RANBP3L: variants seen among roughly 807,000 people sequenced by gnomAD.
RANBP3L encodes RAN binding protein 3 like.
A neutral mutation model predicts 67.2 loss-of-function variants in RANBP3L; 56 were observed. The observed-to-expected ratio is 0.83, with a 90% CI of 0.67 to 1.04. The LOEUF (loss-of-function observed/expected upper bound fraction) is 1.04. RANBP3L is among the 50% of genes least tolerant of loss of function. The pLI is 0.00. For missense variants in RANBP3L, 496 were observed against 535.5 expected, an observed-to-expected ratio of 0.93 and a Z score of 0.73; for synonymous variants, 164 against 181.4, an observed-to-expected ratio of 0.90 and a Z score of 0.77.
At position 36,301,478 on chromosome 5, in the gene RANBP3L, C is replaced by T. The variant is rs1030601882; in HGVS notation, c.-62G>A. ...GGGCACCTCCTTCTCTGGCCAGTCA[C>T]CTAAAGTGGCCTTCACCAGACACCC... On this transcript the variant is annotated 5_prime_UTR_variant, in exon 1 of 14. The change creates a new upstream start codon in the 5' untranslated region. Transcript: ENST00000296604. 7.9e-7 allele frequency: 1 copy of T among 1,261,002 alleles called. No homozygotes were observed. Among genetic ancestry groups the T allele is most frequent in the Admixed American group, 1.7e-5 (1 of 59,102 alleles). 78.1% of individuals were successfully genotyped at this position (1,261,002 alleles called of 1,614,324 possible).
intron 4 of RANBP3L, among the ~76,000 whole-genome samples, chr5:36,267,843 G>A (rs1031606980): frequency 3.3e-5 from 5 of 152,120 alleles, no homozygotes; most frequent in African/African-American, 1.2e-4. Flanking sequence ...AAGCATAATT[G>A]CATGTTTTAA....
chr5:36,299,905 T>C (rs1237917804), intron 1 of RANBP3L, among the ~76,000 whole-genome samples: 1 of 152,184 alleles, frequency 6.6e-6, no homozygotes, highest in Non-Finnish European at 1.5e-5. Flanking sequence ...CAAGTCTATA[T>C]TGTTTAAAAA....
intron 1 of RANBP3L, among the ~76,000 whole-genome samples, chr5:36,290,726 C>CTTTTTTTTT (rs61105686): frequency 1.8e-5 from 1 of 55,444 alleles, no homozygotes; most frequent in Non-Finnish European, 3.1e-5. Flanking sequence ...ACAACCATGG[C>CTTTTTTTTT]TTTTTTTTTT....
chr5:36,254,433 A>G (rs1748821606), intron 11 of RANBP3L, among the ~76,000 whole-genome samples: 1 of 152,060 alleles, frequency 6.6e-6, no homozygotes, highest in South Asian at 2.1e-4. Flanking sequence ...TTTACAATGA[A>G]TGTGTATTAC....
chr5:36,285,395 G>T (rs889533986), intron 1 of RANBP3L, among the ~76,000 whole-genome samples: 2 of 152,206 alleles, frequency 1.3e-5, no homozygotes, highest in East Asian at 3.9e-4. Context: ...TATCAATAAG[G>T]GTTCAAATGT....
Position 36,292,375 on chromosome 5 carries a change from C to T in RANBP3L, c.91+8951G>A, listed in dbSNP as rs570107184. Among the ~76,000 whole-genome samples, 1,264 of 151,856 alleles carry T rather than the reference C, an allele frequency of 8.3e-3. 10 individuals are homozygous for T. The highest frequency in any genetic ancestry group is 0.012 in the Non-Finnish European group (827 of 67,844). ...TGCCTGTTCACTCTGATGGTAGTTT[C>T]TTTTGCTGTGCAGAAGCTCTTGAGT... On this transcript the variant is annotated intron_variant, in intron 1 of 13. Coordinates refer to ENST00000296604, the MANE Select transcript of RANBP3L (RefSeq NM_145000.5).
chr5:36,277,462 G>A (rs1189803152), intron 1 of RANBP3L, among the ~76,000 whole-genome samples: 27 of 149,816 alleles, frequency 1.8e-4, no homozygotes, highest in East Asian at 7.8e-4. Flanking sequence ...GTGTGTGTGT[G>A]TGTGTGTGTG....
intron 1 of RANBP3L, among the ~76,000 whole-genome samples, chr5:36,301,003 C>T (rs909258444): frequency 5.3e-5 from 8 of 152,196 alleles, no homozygotes; most frequent in Admixed American, 2.6e-4. Context: ...CTTAAAGCTA[C>T]TCTCAGCTGA....
At chr5:36,270,124 C>A in intron 2 of RANBP3L, 134 bp from the exon 3 acceptor site, 1 of 747,072 alleles carries the variant, frequency 1.3e-6, no homozygotes. Flanking sequence ...CCTAGTACAT[C>A]AGATTTCCAC....
chr5:36,257,564 C>A lies in RANBP3L; in HGVS notation c.670-8G>T, dbSNP rs374850317. The A allele has an allele frequency of 7.6e-7, 1 of 1,311,966 alleles. No individual in the cohort carries two copies. The allele number at this position is 1,311,966 out of a possible 1,614,324, so 81.3% of individuals were successfully genotyped here. On this transcript the variant is annotated splice_polypyrimidine_tract_variant and splice_region_variant and intron_variant, in intron 8 of 13. Transcript: ENST00000296604. ...GGTGAGTTTTTGAGTACCCTGAGAG[C>A]GGAAAAAGATGCATTATTTTATTTA...
chr5:36,278,910 G>A (rs1419286097), intron 1 of RANBP3L, among the ~76,000 whole-genome samples: 1 of 152,054 alleles, frequency 6.6e-6, no homozygotes, highest in South Asian at 2.1e-4. Context: ...AAAGGTCACC[G>A]GTTGAGATTA....
intron 4 of RANBP3L, among the ~76,000 whole-genome samples, chr5:36,267,441 G>A (rs1300614237): frequency 1.3e-5 from 2 of 151,960 alleles, no homozygotes; most frequent in Non-Finnish European, 2.9e-5. Flanking sequence ...CCGGGAGGCA[G>A]AGGTTGCAGT....
chr5:36,260,078 A>G (rs1000141371), intron 8 of RANBP3L, among the ~76,000 whole-genome samples: 1 of 151,988 alleles, frequency 6.6e-6, no homozygotes, highest in South Asian at 2.1e-4. Context: ...ACTGATAAGA[A>G]CAAATTGGCT....
At position 36,271,326 on chromosome 5, in the gene RANBP3L, A is replaced by T; in HGVS notation, c.92-15T>A. 1.3e-6 allele frequency: 2 copies of T among 1,525,526 alleles called. No individual in the cohort carries two copies. Among genetic ancestry groups the T allele is most frequent in the Non-Finnish European group, 1.8e-6 (2 of 1,103,212 alleles). 94.5% of individuals were successfully genotyped at this position (1,525,526 alleles called of 1,614,324 possible). ...GACAGATTTTTCTGTGAAAAAAAAG[A>T]AAACAGGCAAGAAATCAAAGCATAC... On this transcript the variant is annotated splice_polypyrimidine_tract_variant and intron_variant, in intron 1 of 13. Transcript: ENST00000296604.
chr5:36,277,398 A>ATCTCTCTC (rs746299512), intron 1 of RANBP3L, among the ~76,000 whole-genome samples: 1,415 of 100,108 alleles, frequency 0.014, 48 homozygotes, highest in African/African-American at 0.052. Context: ...CAGCTTTTTC[A>ATCTCTCTC]TCTCTCTCTC....
chr5:36,301,278 T>G (rs1487459697), intron 1 of RANBP3L, 48 bp downstream of exon 1: 1 of 1,401,348 alleles, frequency 7.1e-7, no homozygotes, highest in Admixed American at 1.7e-5. Flanking sequence ...GGAATGCAAA[T>G]GCACAGAAGG....
intron 1 of RANBP3L, among the ~76,000 whole-genome samples, chr5:36,278,031 C>T (rs1225537566): frequency 6.6e-6 from 1 of 152,070 alleles, no homozygotes; most frequent in Non-Finnish European, 1.5e-5. Flanking sequence ...CCCCATGATT[C>T]AATAATTTCC....
intron 1 of RANBP3L, among the ~76,000 whole-genome samples, chr5:36,289,702 A>G (rs960695994): frequency 5.3e-5 from 8 of 152,142 alleles, no homozygotes; most frequent in African/African-American, 1.9e-4. Flanking sequence ...ATATAGAAAT[A>G]CGATATTTTT....
At chr5:36,286,085 G>A (rs1579765207) in intron 1 of RANBP3L, among the ~76,000 whole-genome samples, 1 of 152,162 alleles carries the variant, frequency 6.6e-6, no homozygotes. Flanking sequence ...GGAACAAAGA[G>A]TTTGGGACAT....
Sources: gnomAD v4.1 joint callset for allele counts (sites outside exome capture counted in the v4.1 genomes callset) on GRCh38, gnomAD v4.1.1 for gene constraint, MANE v1.5 for transcripts, NCBI Gene and HGNC (gene_info 2026-07-23, HGNC 2026-07-21) for gene names.